SLC8A3: variants seen among roughly 807,000 people sequenced by gnomAD.
SLC8A3 encodes the protein sodium/calcium exchanger 3.
SLC8A3 carries 37 observed loss-of-function variants against 65.4 expected under a neutral mutation model. That is an observed-to-expected ratio of 0.57 (90% confidence interval 0.44 to 0.74). The LOEUF (loss-of-function observed/expected upper bound fraction) is 0.74. SLC8A3 is among the 30% of genes least tolerant of loss of function. SLC8A3 has a pLI of 0.00. For missense variants in SLC8A3, 1,112 were observed against 1,172.1 expected (o/e 0.95, Z 0.75); for synonymous variants, 461 against 444.5 (o/e 1.04, Z -0.47).
rs762065105 is a variant in SLC8A3, at chr14:70,060,889, T to G, written c.1835A>C (p.Glu612Ala). Reference sequence around the variant, plus strand: ...TTCACCAAGGGCAATGAAGAAATTCTCTTGCCTTTCGTATTCCTCCTCATC... The same window carrying G: ...TTCACCAAGGGCAATGAAGAAATTCGCTTGCCTTTCGTATTCCTCCTCATC... ...IVDEEEYERQ[E>A]NFFIALGEPK... Residue 612 changes from glutamate to alanine, a missense_variant, in exon 3 of 7, where the codon GAG becomes GCG. By Grantham distance (107) the Glu-to-Ala change is moderately radical (BLOSUM62 -1). Coordinates refer to ENST00000356921, the MANE Select transcript of SLC8A3 (RefSeq NM_182932.3). The G allele has an allele frequency of 6.5e-7, 1 of 1,530,636 alleles. No individual in the cohort carries two copies. Among genetic ancestry groups the G allele is most frequent in the Admixed American group, 2.2e-5 (1 of 45,684 alleles). 94.8% of individuals were successfully genotyped at this position (1,530,636 alleles called of 1,614,324 possible).
chr14:70,185,784 A>G (rs1883158838), intron 1 of SLC8A3, among the ~76,000 whole-genome samples: 1 of 152,092 alleles, frequency 6.6e-6, no homozygotes, highest in Non-Finnish European at 1.5e-5. Context: ...TTACTTAATC[A>G]CATACATAAA....
At chr14:70,122,085 T>C (rs1894105008) in intron 2 of SLC8A3, among the ~76,000 whole-genome samples, 1 of 152,278 alleles carries the variant, frequency 6.6e-6, no homozygotes, top group South Asian at 2.1e-4. Flanking sequence ...CAGGATGAGA[T>C]GACTGGACAC....
chr14:70,158,418 A>G (rs2140333740), intron 2 of SLC8A3, among the ~76,000 whole-genome samples: 1 of 152,344 alleles, frequency 6.6e-6, no homozygotes, highest in East Asian at 1.9e-4. Flanking sequence ...CTGGCAGAAG[A>G]TGGACTGGTA....
chr14:70,127,393 G>C (rs1259611704), intron 2 of SLC8A3, among the ~76,000 whole-genome samples: 1 of 152,132 alleles, frequency 6.6e-6, no homozygotes, highest in Non-Finnish European at 1.5e-5. Context: ...CCCCGCCCAG[G>C]CATCTTAGCG....
At chr14:70,134,309 C>CT (rs1423111876) in intron 2 of SLC8A3, among the ~76,000 whole-genome samples, 1 of 152,162 alleles carries the variant, frequency 6.6e-6, no homozygotes, top group Non-Finnish European at 1.5e-5. Flanking sequence ...CAAAAGGATG[C>CT]TTTTTTACTT....
chr14:70,099,520 T>C (rs1287225314), intron 2 of SLC8A3, among the ~76,000 whole-genome samples: 2 of 152,218 alleles, frequency 1.3e-5, no homozygotes, highest in African/African-American at 2.4e-5. Flanking sequence ...AATTGTAAAG[T>C]TGGGCTAAGA....
chr14:70,152,117 A>C (rs1896310478), intron 2 of SLC8A3, among the ~76,000 whole-genome samples: 1 of 152,110 alleles, frequency 6.6e-6, no homozygotes, highest in South Asian at 2.1e-4. Context: ...CAAAAGGAGG[A>C]CTCGAGTAAA....
chr14:70,102,392 T>C (rs917750005), intron 2 of SLC8A3, among the ~76,000 whole-genome samples: 27 of 152,322 alleles, frequency 1.8e-4, no homozygotes, highest in African/African-American at 6.5e-4. Flanking sequence ...AGGAAGATAA[T>C]GTAATTGATA....
intron 2 of SLC8A3, among the ~76,000 whole-genome samples, chr14:70,102,898 G>C (rs1197383589): frequency 6.6e-6 from 1 of 151,766 alleles, no homozygotes. Context: ...TATAATAATT[G>C]GCTTAAATTT....
intron 2 of SLC8A3, among the ~76,000 whole-genome samples, chr14:70,077,310 T>G (rs964111418): frequency 9.9e-5 from 15 of 152,202 alleles, no homozygotes; most frequent in African/African-American, 3.6e-4. Flanking sequence ...CATCTTTCCT[T>G]ATTTCCTGTC....
chr14:70,174,651 G>GGTTTT (rs1555385182), intron 1 of SLC8A3, among the ~76,000 whole-genome samples: 24 of 90,360 alleles, frequency 2.7e-4, no homozygotes, highest in African/African-American at 1.2e-3. Flanking sequence ...GACCAAATCC[G>GGTTTT]TTTTTTTTTT....
intron 2 of SLC8A3, among the ~76,000 whole-genome samples, chr14:70,139,645 T>G (rs2140263201): frequency 6.6e-6 from 1 of 152,236 alleles, no homozygotes; most frequent in South Asian, 2.1e-4. Flanking sequence ...AACTAGGGGT[T>G]CCCATGGCTC....
intron 1 of SLC8A3, among the ~76,000 whole-genome samples, chr14:70,172,293 C>T (rs942412295): frequency 1.3e-5 from 2 of 152,166 alleles, no homozygotes; most frequent in African/African-American, 4.8e-5. Context: ...ATTTTTATCC[C>T]TATCTTATAT....
At chr14:70,095,312 TG>T (rs1892093814) in intron 2 of SLC8A3, among the ~76,000 whole-genome samples, 1 of 152,164 alleles carries the variant, frequency 6.6e-6, no homozygotes, top group Non-Finnish European at 1.5e-5. Context: ...GTGCTCTGAG[TG>T]GGCTCTGGGA....
intron 2 of SLC8A3, among the ~76,000 whole-genome samples, chr14:70,157,609 C>T (rs915379425): frequency 6.6e-6 from 1 of 152,068 alleles, no homozygotes; most frequent in Admixed American, 6.5e-5. Flanking sequence ...AATAAAGAAG[C>T]CCATAGAGAG....
chr14:70,068,427 G>A (rs911347372), intron 2 of SLC8A3, among the ~76,000 whole-genome samples: 8 of 152,010 alleles, frequency 5.3e-5, no homozygotes, highest in Non-Finnish European at 1.0e-4. Flanking sequence ...CACCCAGGCC[G>A]GAGTGCAGTG....
chr14:70,138,464 C>A (rs1399140350), intron 2 of SLC8A3, among the ~76,000 whole-genome samples: 1 of 152,200 alleles, frequency 6.6e-6, no homozygotes, highest in African/African-American at 2.4e-5. Context: ...TTCTTTGAAC[C>A]AGTGGTTTCT....
chr14:70,044,860 G>A lies in SLC8A3; in HGVS notation c.*1087C>T, dbSNP rs1399250047. ...AGCGTGGTGAAGCTGACATTTCTCAGGCACATTGACATTTAAAATACAAAC... is the reference window on the plus strand; with the variant it reads ...AGCGTGGTGAAGCTGACATTTCTCAAGCACATTGACATTTAAAATACAAAC... On this transcript the variant is annotated 3_prime_UTR_variant, in exon 7 of 7. Coordinates refer to ENST00000356921, the MANE Select transcript of SLC8A3 (RefSeq NM_182932.3). 6.6e-6 allele frequency: 1 copy of A among 152,198 alleles called. No individual in the cohort carries two copies. Among genetic ancestry groups the A allele is most frequent in the Non-Finnish European group, 1.5e-5 (1 of 68,042 alleles). 9.4% of individuals were successfully genotyped at this position (152,198 alleles called of 1,614,324 possible).
At position 70,046,653 on chromosome 14, in the gene SLC8A3, TC is replaced by T. The variant is rs1389425838; in HGVS notation, c.2390-331del. 4.1e-6 allele frequency: 1 copy of T among 241,844 alleles called. No homozygotes were observed. Among genetic ancestry groups the T allele is most frequent in the Non-Finnish European group, 8.1e-6 (1 of 124,024 alleles). The allele number at this position is 241,844 out of a possible 1,614,324, so 15.0% of individuals were successfully genotyped here. A position where few individuals can be genotyped will look rare whatever the true frequency, so the allele number is the denominator to read the frequency against. ...GGGAAGTTTGCCATCCCATAATATC[TC>T]CCCAGGGAACCTTGACACCCTGGGA... is the stretch of plus-strand genomic sequence containing the variant. On this transcript the variant is annotated intron_variant, in intron 6 of 6. Coordinates refer to ENST00000356921, the MANE Select transcript of SLC8A3 (RefSeq NM_182932.3). This position sits in a 1 kb window ranked among gnomAD's most constrained non-coding sequence, Gnocchi z 4.2.
Sources: allele counts gnomAD v4.1 joint callset (sites outside exome capture counted in the v4.1 genomes callset), GRCh38; gene constraint gnomAD v4.1.1; non-coding constraint Gnocchi (gnomAD v3.1); transcripts MANE v1.5; gene names NCBI Gene and HGNC (gene_info 2026-07-23, HGNC 2026-07-21).